Variants in CNBD1 observed in about 807,000 individuals in gnomAD.
The protein encoded by CNBD1 is cyclic nucleotide-binding domain-containing protein 1.
A neutral mutation model predicts 54.4 loss-of-function variants in CNBD1; 71 were observed. The observed-to-expected ratio is 1.30, with a 90% CI of 1.08 to 1.59. The LOEUF (loss-of-function observed/expected upper bound fraction) is 1.59. Among genes scored for constraint, CNBD1 ranks in the 40% most tolerant of loss-of-function variants. CNBD1 has a pLI of 0.00. For missense variants in CNBD1, 659 were observed against 518.0 expected, an observed-to-expected ratio of 1.27 and a Z score of -2.64; for synonymous variants, 182 against 170.7, an observed-to-expected ratio of 1.07 and a Z score of -0.51.
chr8:87,396,093 C>T (rs1029419264), intron 2 of CNBD1, among the ~76,000 whole-genome samples: 1 of 151,838 alleles, frequency 6.6e-6, no homozygotes, highest in African/African-American at 2.4e-5. Context: ...ATGACTAATA[C>T]AACAGATAAA....
At chr8:87,369,431 A>G (rs1189880298) in intron 10 of CNBD1, among the ~76,000 whole-genome samples, 2 of 149,782 alleles carry the variant, frequency 1.3e-5, no homozygotes, top group Non-Finnish European at 2.9e-5. Context: ...TGTGGAACTG[A>G]ATTACCACAT....
chr8:87,382,255 G>A (rs1811093026), intron 10 of CNBD1, among the ~76,000 whole-genome samples: 1 of 151,848 alleles, frequency 6.6e-6, no homozygotes, highest in South Asian at 2.1e-4. Context: ...TAGGTAAGAT[G>A]ATTTTACATT....
chr8:86,894,207 G>A (rs1270638349), intron 2 of CNBD1, among the ~76,000 whole-genome samples: 1 of 148,778 alleles, frequency 6.7e-6, no homozygotes, highest in Non-Finnish European at 1.5e-5. Flanking sequence ...GACTACAGGC[G>A]CCCGCCACCG....
chr8:87,042,770 T>C (rs1682254136), intron 4 of CNBD1, among the ~76,000 whole-genome samples: 1 of 152,084 alleles, frequency 6.6e-6, no homozygotes, highest in Admixed American at 6.6e-5. Context: ...AATAAACATG[T>C]AAATATATAA....
At chr8:87,106,075 T>A (rs985688461) in intron 4 of CNBD1, among the ~76,000 whole-genome samples, 2 of 152,256 alleles carry the variant, frequency 1.3e-5, no homozygotes, top group Non-Finnish European at 2.9e-5. Context: ...CAGAGTTAGC[T>A]GTGAGTGATT....
intron 4 of CNBD1, among the ~76,000 whole-genome samples, chr8:87,043,035 T>A (rs1467517422): frequency 6.6e-6 from 1 of 152,136 alleles, no homozygotes; most frequent in Non-Finnish European, 1.5e-5. Flanking sequence ...GAAAGGCAGA[T>A]TTATTAGAGA....
chr8:87,386,842 C>G (rs748038833), downstream of CNBD1, among the ~76,000 whole-genome samples: 1 of 152,122 alleles, frequency 6.6e-6, no homozygotes, highest in East Asian at 1.9e-4. Flanking sequence ...AAAAAATATT[C>G]AGGGCAGCTA....
chr8:87,261,107 C>A (rs907934881), intron 6 of CNBD1, among the ~76,000 whole-genome samples: 5 of 152,122 alleles, frequency 3.3e-5, no homozygotes, highest in Non-Finnish European at 7.4e-5. Flanking sequence ...TAACTAAATT[C>A]AAGACAGTTA....
intron 4 of CNBD1, among the ~76,000 whole-genome samples, chr8:86,959,693 G>C (rs1421808682): frequency 6.6e-6 from 1 of 152,094 alleles, no homozygotes; most frequent in Non-Finnish European, 1.5e-5. Context: ...ATGGTTTTCA[G>C]CTCCATCAGG....
In CNBD1 at chr8:86,866,416, C is replaced by T; in HGVS notation, c.-80C>T. 1 of 979,878 alleles carries T rather than the reference C, an allele frequency of 1.0e-6. No homozygotes were observed. Among genetic ancestry groups the T allele is most frequent in the Non-Finnish European group, 1.6e-6 (1 of 630,228 alleles). 60.7% of individuals were successfully genotyped at this position (979,878 alleles called of 1,614,324 possible). A position where few individuals can be genotyped will look rare whatever the true frequency, so the allele number is the denominator to read the frequency against. On this transcript the variant is annotated 5_prime_UTR_variant, in exon 1 of 11. Coordinates refer to ENST00000518476, the MANE Select transcript of CNBD1 (RefSeq NM_173538.3). ...TATCAGAGAGGACCTTGAAGTTCTG[C>T]TTTATGAGCCTGCAGGCAAAGAGTG...
intron 10 of CNBD1, among the ~76,000 whole-genome samples, chr8:87,373,340 T>C (rs1810858892): frequency 6.6e-6 from 1 of 151,824 alleles, no homozygotes; most frequent in African/African-American, 2.4e-5. Context: ...AAATATATTG[T>C]TGACCCTAAC....
chr8:86,870,206 T>TTTTTTTTTTTTTTTTTA (rs1808423447), intron 1 of CNBD1, among the ~76,000 whole-genome samples: 2 of 148,360 alleles, frequency 1.3e-5, no homozygotes, highest in Admixed American at 6.8e-5. Context: ...TTTTTTTTTC[T>TTTTTTTTTTTTTTTTTA]GAGACGGAAT....
At chr8:87,282,938 G>A (rs1307134504) in intron 6 of CNBD1, among the ~76,000 whole-genome samples, 1 of 152,026 alleles carries the variant, frequency 6.6e-6, no homozygotes, top group Non-Finnish European at 1.5e-5. Flanking sequence ...TCAGTTTTGT[G>A]TGTTGCTTGG....
intron 2 of CNBD1, among the ~76,000 whole-genome samples, chr8:87,392,740 T>C (rs1811333266): frequency 6.6e-6 from 1 of 151,948 alleles, no homozygotes; most frequent in Admixed American, 6.6e-5. Flanking sequence ...CCAGTGATGA[T>C]TGCCCAACTC....
intron 2 of CNBD1, among the ~76,000 whole-genome samples, chr8:87,396,211 A>G (rs1480747832): frequency 1.3e-5 from 2 of 152,088 alleles, no homozygotes; most frequent in African/African-American, 2.4e-5. Context: ...CCTTAGGACC[A>G]TTGTGACTTA....
intron 4 of CNBD1, among the ~76,000 whole-genome samples, chr8:87,063,172 G>GAACA (rs1810580329): frequency 6.6e-6 from 1 of 152,144 alleles, no homozygotes; most frequent in African/African-American, 2.4e-5. Flanking sequence ...ATCATATGAT[G>GAACA]AACAGTTCAA....
chr8:86,917,289 A>G (rs1354774282), intron 3 of CNBD1, among the ~76,000 whole-genome samples: 1 of 152,176 alleles, frequency 6.6e-6, no homozygotes, highest in African/African-American at 2.4e-5. Flanking sequence ...ACATTATGTA[A>G]ATTGGAGTCC....
chr8:86,935,202 A>G (rs560349191), intron 3 of CNBD1, among the ~76,000 whole-genome samples: 27 of 151,640 alleles, frequency 1.8e-4, no homozygotes, highest in Admixed American at 1.8e-3. Flanking sequence ...TGCCTGGCTA[A>G]TTTTTTTGTA....
chr8:87,129,913 C>T (rs1213899214), intron 4 of CNBD1, among the ~76,000 whole-genome samples: 1 of 152,142 alleles, frequency 6.6e-6, no homozygotes, highest in Non-Finnish European at 1.5e-5. Flanking sequence ...TACAGATTCA[C>T]GTGGCTGGGG....
Sources: gnomAD v4.1 joint callset for allele counts (sites outside exome capture counted in the v4.1 genomes callset) on GRCh38, gnomAD v4.1.1 for gene constraint, MANE v1.5 for transcripts, NCBI Gene and HGNC (gene_info 2026-07-23, HGNC 2026-07-21) for gene names.